XPO5: variants seen among roughly 807,000 people sequenced by gnomAD.
XPO5 encodes exportin 5.
In XPO5, 46 loss-of-function variants were observed where a neutral mutation model predicts 160.6. The observed-to-expected ratio is 0.29, with a 90% CI of 0.23 to 0.37. XPO5 has a LOEUF of 0.37. XPO5 is among the 10% of genes least tolerant of loss of function. XPO5 has a pLI of 1.00. For synonymous variants in XPO5, 537 were observed against 519.3 expected, an observed-to-expected ratio of 1.03 and a Z score of -0.46; for missense variants, 1,090 against 1,463.9, an observed-to-expected ratio of 0.74 and a Z score of 4.17.
intron 22 of XPO5, among the ~76,000 whole-genome samples, chr6:43,531,060 A>C (rs968214624): frequency 1.3e-4 from 20 of 152,258 alleles, no homozygotes; most frequent in African/African-American, 4.6e-4. Context: ...CGATCTCATT[A>C]GCTTGGCTGA....
At chr6:43,536,717 G>A (rs1794345255) in intron 20 of XPO5, among the ~76,000 whole-genome samples, 1 of 122,188 alleles carries the variant, frequency 8.2e-6, no homozygotes, top group Non-Finnish European at 1.6e-5. Flanking sequence ...CCAAGGTCGC[G>A]CCACTGCACT....
intron 19 of XPO5, 83 bp from the exon 20 acceptor site, chr6:43,546,835 T>G: frequency 7.5e-7 from 1 of 1,325,210 alleles, no homozygotes. Context: ...TTCAAGGTTC[T>G]GGCAAAAGTG....
At chr6:43,562,399 A>G in intron 8 of XPO5, 53 bp from the exon 9 acceptor site, 6 of 1,293,068 alleles carry the variant, frequency 4.6e-6, no homozygotes, top group Non-Finnish European at 6.6e-6. Flanking sequence ...GGCTGTAATA[A>G]AAACATCACT....
chr6:43,549,367 G>A, intron 17 of XPO5, 122 bp downstream of exon 17: 1 of 966,886 alleles, frequency 1.0e-6, no homozygotes, highest in Non-Finnish European at 1.5e-6. Context: ...CCCGGCCAAG[G>A]ATGCTTATAT....
chr6:43,528,312 T>C, intron 24 of XPO5, 107 bp from the exon 25 acceptor site: 4 of 1,174,686 alleles, frequency 3.4e-6, no homozygotes, highest in East Asian at 2.6e-5. Context: ...AGGATGATTC[T>C]AGGCATCAAT....
intron 2 of XPO5, 197 bp downstream of exon 2, chr6:43,573,283 G>T: frequency 1.5e-6 from 1 of 665,804 alleles, no homozygotes; most frequent in Non-Finnish European, 2.4e-6. Flanking sequence ...CACTTTACAT[G>T]GATGAAGAAA....
chr6:43,531,398 G>A (rs969332642), intron 22 of XPO5, 81 bp downstream of exon 22: 1 of 1,320,584 alleles, frequency 7.6e-7, no homozygotes, highest in Non-Finnish European at 1.1e-6. Context: ...CTGTACACTA[G>A]ATGAAAAGTC....
chr6:43,544,114 C>G (rs540182648), intron 20 of XPO5: 1 of 152,890 alleles, frequency 6.5e-6, no homozygotes, highest in African/African-American at 2.4e-5. Flanking sequence ...AAGCACTGAA[C>G]TCTTAGAAAA....
intron 20 of XPO5, chr6:43,539,032 G>C: frequency 1.3e-6 from 2 of 1,546,636 alleles, no homozygotes; most frequent in Non-Finnish European, 1.8e-6. Context: ...CCTGGGCTGA[G>C]GTGTAGCAGT....
chr6:43,557,374 C>T (rs932921143), intron 12 of XPO5, among the ~76,000 whole-genome samples: 1 of 151,158 alleles, frequency 6.6e-6, no homozygotes, highest in African/African-American at 2.4e-5. Context: ...TGCAGTGAGC[C>T]GAGATTGTGC....
intron 1 of XPO5, 109 bp downstream of exon 1, chr6:43,575,651 G>A: frequency 1.0e-6 from 1 of 1,002,292 alleles, no homozygotes; most frequent in Non-Finnish European, 1.5e-6. Context: ...GGGAAAGGAG[G>A]TCCAGGGGCC....
chr6:43,528,490 A>T (rs1793739215), intron 24 of XPO5, among the ~76,000 whole-genome samples: 1 of 152,178 alleles, frequency 6.6e-6, no homozygotes, highest in African/African-American at 2.4e-5. Flanking sequence ...TTCTCCACCC[A>T]GCTGGTCCCC....
chr6:43,566,811 T>TAAAAAAA (rs56147929), intron 7 of XPO5, among the ~76,000 whole-genome samples: 2 of 101,666 alleles, frequency 2.0e-5, no homozygotes, highest in Non-Finnish European at 4.1e-5. Context: ...CTGTTTCAAT[T>TAAAAAAA]AAAAAAAAAA....
intron 16 of XPO5, 136 bp downstream of exon 16, chr6:43,549,757 T>C: frequency 8.6e-7 from 1 of 1,164,564 alleles, no homozygotes; most frequent in South Asian, 1.5e-5. Flanking sequence ...TGCCCTATAG[T>C]GGCAAAACAA....
intron 1 of XPO5, 52 bp downstream of exon 1, chr6:43,575,708 G>C: frequency 2.0e-6 from 3 of 1,524,172 alleles, no homozygotes; most frequent in Non-Finnish European, 2.7e-6. Flanking sequence ...CGGAGCTGCT[G>C]GGGCTGGGAG....
chr6:43,534,024 T>G lies in XPO5; in HGVS notation c.2343-17A>C, dbSNP rs1273777452. 1 of 1,580,044 alleles carries G rather than the reference T, an allele frequency of 6.3e-7. No individual in the cohort carries two copies. Among genetic ancestry groups the G allele is most frequent in the Non-Finnish European group, 8.6e-7 (1 of 1,156,868 alleles). Reference sequence around the variant, plus strand: ...TTGTGGGTTCTGAAAGAAACAAGAATGCTATTGAGCTTTTCCATCTGATGC... The same window carrying G: ...TTGTGGGTTCTGAAAGAAACAAGAAGGCTATTGAGCTTTTCCATCTGATGC... On this transcript the variant is annotated splice_polypyrimidine_tract_variant and intron_variant, in intron 20 of 31. Transcript: ENST00000265351.
rs61501796 is a variant in XPO5 at position 43,528,666 on chromosome 6, T to C, written c.2775+162A>G. Among the ~76,000 whole-genome samples the C allele has an allele frequency of 0.036, 5,456 of 152,202 alleles. 343 individuals carry two copies. Among genetic ancestry groups the C allele is most frequent in the African/African-American group, 0.12 (5,168 of 41,490 alleles). The stretch of plus-strand genomic sequence containing the variant: ...ATCAGTTTAGTTCTTTGGGGGCTGC[T>C]CGATCCTACAGCAAGGATAGTCAGC... On this transcript the variant is annotated intron_variant, in intron 24 of 31. Transcript: ENST00000265351.
chr6:43,570,946 A>T lies in XPO5; in HGVS notation c.349T>A (p.Ser117Thr), dbSNP rs1024521324. The change falls in exon 4 of 32, where the codon TCT becomes ACT. Residue 117 changes from serine to threonine, a missense_variant. Physicochemically the swap from Ser to Thr is moderately conservative, Grantham distance 58 (BLOSUM62 1). Transcript: ENST00000265351. ...EEENHIKDAL[S>T]RIVVEMIKRE... is the part of the protein sequence containing the mutation. Reference sequence around the variant, plus strand: ...TTGATCATTTCCACTACAATTCGAGACAGAGCATCTTTAATATGGTTCTCC... The same window carrying T: ...TTGATCATTTCCACTACAATTCGAGTCAGAGCATCTTTAATATGGTTCTCC... 1 of 1,613,730 alleles carries T rather than the reference A, an allele frequency of 6.2e-7. No individual in the cohort carries two copies. Among genetic ancestry groups the T allele is most frequent in the Non-Finnish European group, 8.5e-7 (1 of 1,179,850 alleles).
At chr6:43,547,266 C>G (rs1486702943) in intron 19 of XPO5, 1 of 384,970 alleles carries the variant, frequency 2.6e-6, no homozygotes, top group Non-Finnish European at 4.9e-6. Context: ...GCAAGTTAAG[C>G]CATCACTTAA....
Sources: allele counts gnomAD v4.1 joint callset (sites outside exome capture counted in the v4.1 genomes callset), GRCh38; gene constraint gnomAD v4.1.1; transcripts MANE v1.5; gene names NCBI Gene and HGNC (gene_info 2026-07-23, HGNC 2026-07-21).